The following FGF13 variants were observed in gnomAD, a reference collection of about 807,000 sequenced individuals.
FGF13 encodes the protein fibroblast growth factor 13.
A neutral mutation model predicts 19.5 loss-of-function variants in FGF13; 2 were observed. The ratio of observed to expected loss-of-function variants is 0.10; its 90% confidence interval spans 0.04 to 0.32. The LOEUF is 0.32. FGF13 is among the 10% of genes least tolerant of loss of function. FGF13 has a pLI of 1.00. For missense variants in FGF13, 113 were observed against 192.7 expected (o/e 0.59, Z 2.45); for synonymous variants, 72 against 76.9 (o/e 0.94, Z 0.33).
chrX:138,685,838 T>C (rs988711120), intron 3 of FGF13, among the ~76,000 whole-genome samples: 7 of 109,380 alleles, frequency 6.4e-5, no homozygotes, highest in African/African-American at 2.3e-4. Flanking sequence ...ACATTTATTA[T>C]TTTTTTTATC....
intron 1 of FGF13, among the ~76,000 whole-genome samples, chrX:138,926,371 A>C (rs752456295): frequency 4.6e-4 from 52 of 112,707 alleles, no homozygotes; most frequent in African/African-American, 1.7e-3. Context: ...ACAGTATGCA[A>C]TCAGCATAAC....
chrX:139,049,754 T>C, intron 1 of FGF13, among the ~76,000 whole-genome samples: 1 of 112,679 alleles, frequency 8.9e-6, no homozygotes, highest in Middle Eastern at 4.6e-3. Flanking sequence ...ATGGCCCAGA[T>C]GGCAATAAGT....
intron 3 of FGF13, among the ~76,000 whole-genome samples, chrX:138,655,738 TTTAA>T (rs1320226323): frequency 9.0e-6 from 1 of 111,429 alleles, no homozygotes; most frequent in Non-Finnish European, 1.9e-5. Flanking sequence ...ATAAAATAAT[TTTAA>T]TTAATATTAA....
At chrX:138,700,015 T>C in intron 3 of FGF13, among the ~76,000 whole-genome samples, 1 of 106,983 alleles carries the variant, frequency 9.3e-6, no homozygotes, top group Non-Finnish European at 1.9e-5. Context: ...TCTGTGAAGG[T>C]TTTTTTTTTA....
At chrX:138,947,042 T>C (rs2091785033) in intron 1 of FGF13, among the ~76,000 whole-genome samples, 2 of 112,140 alleles carry the variant, frequency 1.8e-5, no homozygotes, top group South Asian at 7.3e-4. Flanking sequence ...CCAGTGTGGC[T>C]AAAAGGGCTC....
chrX:138,971,493 A>G (rs1293440827), intron 1 of FGF13, among the ~76,000 whole-genome samples: 3 of 112,158 alleles, frequency 2.7e-5, no homozygotes, highest in Non-Finnish European at 5.6e-5. Context: ...ATAGTTTTTC[A>G]TAAGTCCCTT....
chrX:138,687,203 G>A (rs906138601), intron 3 of FGF13, among the ~76,000 whole-genome samples: 12 of 111,849 alleles, frequency 1.1e-4, no homozygotes, highest in Non-Finnish European at 1.7e-4. Flanking sequence ...ACAGAGGGAA[G>A]AGACAACCTA....
At chrX:138,774,706 G>T (rs1332146637) in intron 3 of FGF13, among the ~76,000 whole-genome samples, 1 of 111,203 alleles carries the variant, frequency 9.0e-6, no homozygotes, top group African/African-American at 3.3e-5. Flanking sequence ...ATTCCTAAAG[G>T]CAAGGCCCAT....
At chrX:139,026,896 A>T (rs1473297243) in intron 1 of FGF13, among the ~76,000 whole-genome samples, 1 of 112,123 alleles carries the variant, frequency 8.9e-6, no homozygotes, top group Non-Finnish European at 1.9e-5. Flanking sequence ...TGGCAGATGG[A>T]CTGGATACTA....
chrX:139,029,769 G>C (rs2092219695), intron 1 of FGF13, among the ~76,000 whole-genome samples: 1 of 110,745 alleles, frequency 9.0e-6, no homozygotes, highest in South Asian at 3.9e-4. Context: ...CCTGCTTGGT[G>C]ATCCCCAGCA....
chrX:138,956,410 A>C (rs150821693), intron 1 of FGF13, among the ~76,000 whole-genome samples: 3,077 of 110,819 alleles, frequency 0.028, 122 homozygotes, highest in African/African-American at 0.096. Flanking sequence ...TTGTGGGTTT[A>C]AATTACATTT....
upstream of FGF13, among the ~76,000 whole-genome samples, chrX:138,743,506 G>A (rs2090333529): frequency 9.0e-6 from 1 of 111,124 alleles, no homozygotes; most frequent in Non-Finnish European, 1.9e-5. Context: ...CCAAGAGCAA[G>A]CCCTTATGTA....
chrX:138,672,069 A>G (rs922592348), intron 3 of FGF13, among the ~76,000 whole-genome samples: 1 of 109,069 alleles, frequency 9.2e-6, no homozygotes. Context: ...AGGAAAACTG[A>G]TATGACTGGA....
At chrX:139,039,489 A>T (rs769877691) in intron 1 of FGF13, among the ~76,000 whole-genome samples, 1 of 112,073 alleles carries the variant, frequency 8.9e-6, no homozygotes, top group Non-Finnish European at 1.9e-5. Flanking sequence ...TGGGAACAAC[A>T]GCATGCTATA....
At chrX:139,192,880 C>T (rs1485303242) in intron 1 of FGF13, among the ~76,000 whole-genome samples, 10 of 111,776 alleles carry the variant, frequency 8.9e-5, no homozygotes, top group African/African-American at 3.3e-4. Flanking sequence ...GTGCTTCATG[C>T]ACTGAAAGTC....
chrX:139,003,320 G>A (rs182509718), intron 1 of FGF13, among the ~76,000 whole-genome samples: 250 of 111,611 alleles, frequency 2.2e-3, no homozygotes, highest in African/African-American at 6.8e-3. Flanking sequence ...GCTCAGGAGT[G>A]AAGCTGCAGA....
chrX:139,099,377 C>CAAAAAAAAAAA (rs59882808), intron 1 of FGF13, among the ~76,000 whole-genome samples: 51 of 32,941 alleles, frequency 1.5e-3, no homozygotes, highest in African/African-American at 4.6e-3. Flanking sequence ...GTTTCTATCT[C>CAAAAAAAAAAA]AAAAAAAAAA....
intron 1 of FGF13, among the ~76,000 whole-genome samples, chrX:138,956,231 C>T (rs1256917162): frequency 1.8e-5 from 2 of 111,363 alleles, no homozygotes; most frequent in Non-Finnish European, 3.8e-5. Context: ...ATGCTTTTGA[C>T]TATGATGTAT....
At chrX:138,813,600 G>A (rs1020627611) in intron 3 of FGF13, among the ~76,000 whole-genome samples, 1 of 111,925 alleles carries the variant, frequency 8.9e-6, no homozygotes, top group African/African-American at 3.2e-5. Context: ...TTGCTACAGT[G>A]AAATACCGTG....
Sources: gnomAD v4.1 joint callset for allele counts (sites outside exome capture counted in the v4.1 genomes callset) on GRCh38, gnomAD v4.1.1 for gene constraint, MANE v1.5 for transcripts, NCBI Gene and HGNC (gene_info 2026-07-23, HGNC 2026-07-21) for gene names.